Variants in CHD9 observed in about 807,000 individuals in gnomAD.
CHD9 encodes the protein chromodomain helicase DNA binding protein 9.
Under a neutral mutation model 316.1 loss-of-function variants are expected in CHD9, and 77 were observed. The observed-to-expected ratio is 0.24, with a 90% CI of 0.20 to 0.29. The LOEUF (loss-of-function observed/expected upper bound fraction) is 0.29. Ranked by LOEUF, CHD9 falls within the 10% of genes least tolerant of loss-of-function variation. The probability of loss-of-function intolerance (pLI) is 1.00; values close to 1 mark genes in which losing one functional copy is unlikely to be tolerated. For synonymous variants in CHD9, 1,129 were observed against 1,158.3 expected (o/e 0.97, Z 0.51); for missense variants, 2,763 against 3,438.1 (o/e 0.80, Z 4.91).
At chr16:53,095,187 C>A (rs11075735) in intron 1 of CHD9, among the ~76,000 whole-genome samples, 66,214 of 151,994 alleles carry the variant, frequency 0.44, 15,479 homozygotes, top group African/African-American at 0.61. Flanking sequence ...CCTCTAAAAA[C>A]TAATGCTTTT....
chr16:53,068,589 C>A (rs956225798), intron 1 of CHD9, among the ~76,000 whole-genome samples: 6 of 152,182 alleles, frequency 3.9e-5, no homozygotes, highest in African/African-American at 1.4e-4. Flanking sequence ...GTCCTCTCTC[C>A]TCCTGGGAAC....
intron 1 of CHD9, among the ~76,000 whole-genome samples, chr16:53,086,373 A>G (rs1362363589): frequency 1.3e-5 from 2 of 152,128 alleles, no homozygotes; most frequent in African/African-American, 2.4e-5. Context: ...TTATACACAG[A>G]CTGGGCTGCC....
At chr16:53,060,304 G>C (rs1340283641) in intron 1 of CHD9, among the ~76,000 whole-genome samples, 1 of 152,080 alleles carries the variant, frequency 6.6e-6, no homozygotes, top group Non-Finnish European at 1.5e-5. Context: ...CGAATAATGA[G>C]ACCTGAGGAT....
At chr16:53,153,645 C>T (rs572670792) in intron 1 of CHD9, among the ~76,000 whole-genome samples, 2 of 152,276 alleles carry the variant, frequency 1.3e-5, no homozygotes, top group Admixed American at 6.5e-5. Context: ...CCTCCCACCT[C>T]AGCCCCCCAA....
chr16:53,207,976 C>T (rs992670963), intron 2 of CHD9: 1 of 946,908 alleles, frequency 1.1e-6, no homozygotes, highest in Non-Finnish European at 1.3e-6. Flanking sequence ...GTATTTTTAA[C>T]GACATCTCTA....
At chr16:53,295,043 C>G (rs1432397221) in intron 29 of CHD9, among the ~76,000 whole-genome samples, 1 of 152,188 alleles carries the variant, frequency 6.6e-6, no homozygotes, top group Non-Finnish European at 1.5e-5. Context: ...TATATTGTTT[C>G]TATCACCTGG....
chr16:53,121,383 A>G (rs1007461173), intron 1 of CHD9: 53 of 455,974 alleles, frequency 1.2e-4, no homozygotes, highest in Non-Finnish European at 2.1e-4. Context: ...GGGATATTTT[A>G]TCAAGGAAAC....
intron 16 of CHD9, among the ~76,000 whole-genome samples, chr16:53,248,485 ATTT>A (rs565153300): frequency 8.3e-6 from 1 of 120,614 alleles, no homozygotes; most frequent in Non-Finnish European, 1.8e-5. Flanking sequence ...TTTTTATTTT[ATTT>A]TTTTTTGTTT....
intron 1 of CHD9, among the ~76,000 whole-genome samples, chr16:53,099,433 G>T (rs578018753): frequency 1.3e-5 from 2 of 152,140 alleles, no homozygotes; most frequent in East Asian, 3.9e-4. Context: ...TTCTCACTTT[G>T]GCAGCTAATT....
At chr16:53,279,718 A>C (rs2053223254) in intron 24 of CHD9, among the ~76,000 whole-genome samples, 1 of 152,234 alleles carries the variant, frequency 6.6e-6, no homozygotes, top group South Asian at 2.1e-4. Context: ...CAAAAGGAAC[A>C]GTCAGCAGAG....
chr16:53,107,317 G>T (rs895700035), intron 1 of CHD9, among the ~76,000 whole-genome samples: 3 of 151,834 alleles, frequency 2.0e-5, no homozygotes, highest in Non-Finnish European at 4.4e-5. Flanking sequence ...CAAATTAGCT[G>T]GGTGTGGTGG....
intron 2 of CHD9, chr16:53,208,793 T>C: frequency 1.4e-6 from 1 of 726,078 alleles, no homozygotes; most frequent in Middle Eastern, 7.0e-4. Flanking sequence ...ATGCTCTTGA[T>C]CTGCTTCCTG....
At chr16:53,137,001 GTCTTGC>G (rs2039765452) in intron 1 of CHD9, among the ~76,000 whole-genome samples, 1 of 151,288 alleles carries the variant, frequency 6.6e-6, no homozygotes, top group Non-Finnish European at 1.5e-5. Flanking sequence ...TTGAGACAGA[GTCTTGC>G]TCTGTCGCCA....
At chr16:53,064,955 C>T (rs1037279378) in intron 1 of CHD9, among the ~76,000 whole-genome samples, 2 of 151,084 alleles carry the variant, frequency 1.3e-5, no homozygotes, top group African/African-American at 2.4e-5. Flanking sequence ...GGCGACAGAG[C>T]AAGACTCTGT....
At chr16:53,056,059 GT>G (rs1291032142) in intron 1 of CHD9, among the ~76,000 whole-genome samples, 3 of 152,156 alleles carry the variant, frequency 2.0e-5, no homozygotes, top group Non-Finnish European at 4.4e-5. Flanking sequence ...GAGCCCTTAT[GT>G]TTGTTTGTTT....
intron 1 of CHD9, among the ~76,000 whole-genome samples, chr16:53,146,419 G>GTGTGTGTGTGTGTATATATATA (rs1555492145): frequency 3.4e-4 from 26 of 76,706 alleles, no homozygotes; most frequent in African/African-American, 1.5e-3. Flanking sequence ...GTGTGTGTAT[G>GTGTGTGTGTGTGTATATATATA]TATATATATA....
Position 53,308,391 on chromosome 16 carries a change from A to G in CHD9, c.7054-295A>G, listed in dbSNP as rs554179299. On this transcript the variant is annotated intron_variant, in intron 33 of 38. Coordinates refer to ENST00000447540, the MANE Select transcript of CHD9 (RefSeq NM_001308319.2). ...CCAAAATGTCATATGAATAATGTACATAGAGATGTATGTCTAAAGTTAAAA... is the reference window on the plus strand; with the variant it reads ...CCAAAATGTCATATGAATAATGTACGTAGAGATGTATGTCTAAAGTTAAAA... Among the ~76,000 whole-genome samples the G allele has an allele frequency of 2.6e-4, 39 of 152,036 alleles. 1 individual carries two copies. Among genetic ancestry groups the G allele is most frequent in the African/African-American group, 9.2e-4 (38 of 41,300 alleles).
chr16:53,149,401 A>G (rs2040900735), intron 1 of CHD9, among the ~76,000 whole-genome samples: 1 of 151,988 alleles, frequency 6.6e-6, no homozygotes, highest in African/African-American at 2.4e-5. Context: ...TTGTAGAATT[A>G]TTTGTTTTTC....
intron 1 of CHD9, among the ~76,000 whole-genome samples, chr16:53,070,382 T>C (rs931259659): frequency 6.6e-6 from 1 of 152,206 alleles, no homozygotes; most frequent in Non-Finnish European, 1.5e-5. Flanking sequence ...TTAGCTCTTA[T>C]ATTTTAAGTT....
Sources: allele counts gnomAD v4.1 joint callset (sites outside exome capture counted in the v4.1 genomes callset), GRCh38; gene constraint gnomAD v4.1.1; transcripts MANE v1.5; gene names NCBI Gene and HGNC (gene_info 2026-07-23, HGNC 2026-07-21).